NGEF: variants seen among roughly 807,000 people sequenced by gnomAD.
NGEF encodes neuronal guanine nucleotide exchange factor.
NGEF carries 31 observed loss-of-function variants against 80.9 expected under a neutral mutation model. That is an observed-to-expected ratio of 0.38 (90% CI 0.29 to 0.52). The LOEUF (loss-of-function observed/expected upper bound fraction) is 0.52. Ranked by LOEUF, NGEF falls within the 20% of genes least tolerant of loss-of-function variation. The pLI, the probability that NGEF is intolerant of heterozygous loss-of-function variation, is 0.84. For synonymous variants in NGEF, 371 were observed against 370.2 expected, an observed-to-expected ratio of 1.00 and a Z score of -0.03; for missense variants, 709 against 926.2, an observed-to-expected ratio of 0.77 and a Z score of 3.04.
rs1199334693 is a variant in NGEF at position 232,885,561 on chromosome 2, G to A, written c.1348-192C>T. The stretch of plus-strand genomic sequence containing the variant: ...AGCACCTTGTGGGGCAAAGGCAAGT[G>A]GGAAAACCTGTTAGTTTGGGTGGAG... On this transcript the variant is annotated intron_variant, in intron 9 of 14. Coordinates refer to ENST00000264051, the MANE Select transcript of NGEF (RefSeq NM_019850.3). 13 of 584,510 alleles carry A rather than the reference G, an allele frequency of 2.2e-5. No individual in the cohort carries two copies. The East Asian group carries it at 3.7e-4, about 17-fold the overall frequency. 36.2% of individuals were successfully genotyped at this position (584,510 alleles called of 1,614,324 possible). A position where few individuals can be genotyped will look rare whatever the true frequency, so the allele number is the denominator to read the frequency against.
At chr2:232,959,790 G>T (rs941269614) in intron 3 of NGEF, among the ~76,000 whole-genome samples, 1 of 152,146 alleles carries the variant, frequency 6.6e-6, no homozygotes, top group Non-Finnish European at 1.5e-5. Flanking sequence ...TGTTGGTCAG[G>T]CTGGTCTTGA....
intron 3 of NGEF, among the ~76,000 whole-genome samples, chr2:232,968,396 G>A (rs1267142877): frequency 7.3e-6 from 1 of 136,544 alleles, no homozygotes; most frequent in Non-Finnish European, 1.6e-5. Context: ...CCCAGACCTG[G>A]CTTTTATTTT....
chr2:232,984,183 C>T (rs747824456), intron 1 of NGEF, among the ~76,000 whole-genome samples: 4 of 152,162 alleles, frequency 2.6e-5, no homozygotes, highest in South Asian at 2.1e-4. Flanking sequence ...TTCCTAGACT[C>T]GAGCAATCCT....
intron 6 of NGEF, 84 bp downstream of exon 6, chr2:232,894,672 G>A (rs1256335198): frequency 8.7e-6 from 11 of 1,268,466 alleles, no homozygotes; most frequent in Non-Finnish European, 8.5e-6. Flanking sequence ...AGCCAGTATC[G>A]AGCACTTGTC....
chr2:232,962,173 A>G (rs745731315), intron 3 of NGEF, among the ~76,000 whole-genome samples: 16 of 152,236 alleles, frequency 1.1e-4, no homozygotes, highest in Non-Finnish European at 2.1e-4. Context: ...GCTTCTATTC[A>G]GCACTATGAT....
chr2:232,950,389 T>C (rs796315523), intron 3 of NGEF, among the ~76,000 whole-genome samples: 33 of 152,316 alleles, frequency 2.2e-4, no homozygotes, highest in African/African-American at 7.2e-4. Context: ...TTCTAAAGGA[T>C]TTGTAGATCA....
chr2:232,889,149 T>A (rs1691798917), intron 8 of NGEF, among the ~76,000 whole-genome samples: 1 of 152,188 alleles, frequency 6.6e-6, no homozygotes, highest in African/African-American at 2.4e-5. Flanking sequence ...GCTTTTTCCA[T>A]CCTGTATGTG....
At chr2:232,977,062 G>A (rs1694310328) in intron 1 of NGEF, among the ~76,000 whole-genome samples, 1 of 152,176 alleles carries the variant, frequency 6.6e-6, no homozygotes, top group South Asian at 2.1e-4. Context: ...CACAGCTCCA[G>A]CGAGATGGGG....
Position 232,879,522 on chromosome 2 carries a change from G to A in NGEF, c.2100C>T (p.Asp700=), listed in dbSNP as rs776333073. 1 of 1,612,990 alleles carries A rather than the reference G, an allele frequency of 6.2e-7. No individual in the cohort carries two copies. Among genetic ancestry groups the A allele is most frequent in the Non-Finnish European group, 8.5e-7 (1 of 1,179,238 alleles). ...MDDPQRSQNK[D]RRKLGSRNRQ ...GATTCCGGCTGCCCAGCTTCCTGCG[G>A]TCCTTGTTCTGGCTGCGCTGAGGGT... The change falls in exon 15 of 15, where the codon GAC becomes GAT. Residue 700 remains aspartate (D), a synonymous_variant. Transcript: ENST00000264051.
intron 1 of NGEF, among the ~76,000 whole-genome samples, chr2:232,999,108 C>T (rs981329179): frequency 1.3e-5 from 2 of 152,200 alleles, no homozygotes; most frequent in Non-Finnish European, 2.9e-5. Flanking sequence ...TCTTTCCCTT[C>T]TGGAAGCTTC....
rs765842343 is a variant in NGEF, at chr2:232,927,192, A to G, written c.384-6T>C. On this transcript the variant is annotated splice_region_variant and splice_polypyrimidine_tract_variant and intron_variant, in intron 3 of 14. Coordinates refer to ENST00000264051, the MANE Select transcript of NGEF (RefSeq NM_019850.3). ...CCGGGGTGGAGGACGACTCACTGCC[A>G]GAGAGGGAGGAGGACAGGGGCTGGT... The G allele has an allele frequency of 5.7e-6, 9 of 1,581,286 alleles. No individual in the cohort carries two copies. The South Asian group carries it at 1.0e-4, about 18-fold the overall frequency.
At chr2:232,978,552 A>G (rs1694343854) in intron 1 of NGEF, among the ~76,000 whole-genome samples, 1 of 152,112 alleles carries the variant, frequency 6.6e-6, no homozygotes, top group South Asian at 2.1e-4. Flanking sequence ...AACTTGCGGT[A>G]TAATTTACTC....
chr2:232,891,268 G>C, intron 8 of NGEF, 90 bp downstream of exon 8: 1 of 1,521,614 alleles, frequency 6.6e-7, no homozygotes, highest in Non-Finnish European at 9.0e-7. Flanking sequence ...TGTTGAACCA[G>C]TAGACCTCCT....
chr2:232,994,200 T>A (rs1694728929), intron 1 of NGEF, among the ~76,000 whole-genome samples: 1 of 151,948 alleles, frequency 6.6e-6, no homozygotes, highest in Admixed American at 6.6e-5. Context: ...TGAAACCCCA[T>A]CTCTACTAAA....
At chr2:233,003,490 T>C (rs933939092) in intron 1 of NGEF, among the ~76,000 whole-genome samples, 28 of 152,206 alleles carry the variant, frequency 1.8e-4, no homozygotes, top group Non-Finnish European at 3.4e-4. Context: ...TGCCTGCACC[T>C]TCCCCTTCCT....
At chr2:232,952,339 G>A (rs907043503) in intron 3 of NGEF, among the ~76,000 whole-genome samples, 7 of 152,210 alleles carry the variant, frequency 4.6e-5, no homozygotes, top group Non-Finnish European at 4.4e-5. Context: ...TTTTAAATGC[G>A]TTCTTTCATT....
intron 5 of NGEF, among the ~76,000 whole-genome samples, chr2:232,909,766 G>T (rs951678018): frequency 1.3e-5 from 2 of 152,024 alleles, no homozygotes; most frequent in Non-Finnish European, 2.9e-5. Flanking sequence ...ATCTTGCCAT[G>T]CTCCCCGCAT....
chr2:232,909,823 C>T (rs1692655422), intron 5 of NGEF, among the ~76,000 whole-genome samples: 1 of 152,216 alleles, frequency 6.6e-6, no homozygotes, highest in Non-Finnish European at 1.5e-5. Flanking sequence ...CTGTTTTCTG[C>T]CACTAGTGTG....
chr2:232,965,403 TCAGGGACC>T (rs2106317043), intron 3 of NGEF, among the ~76,000 whole-genome samples: 1 of 152,248 alleles, frequency 6.6e-6, no homozygotes, highest in South Asian at 2.1e-4. Context: ...ACACTTTGCA[TCAGGGACC>T]CAGTATGAGA....
Sources: allele counts gnomAD v4.1 joint callset (sites outside exome capture counted in the v4.1 genomes callset), GRCh38; gene constraint gnomAD v4.1.1; transcripts MANE v1.5; gene names NCBI Gene and HGNC (gene_info 2026-07-23, HGNC 2026-07-21).